The following MYH3 variants were observed in gnomAD, a reference collection of about 807,000 sequenced individuals.
MYH3 encodes myosin-3.
A neutral mutation model predicts 238.0 loss-of-function variants in MYH3; 130 were observed. That is an observed-to-expected ratio of 0.55 (90% confidence interval 0.47 to 0.63). The LOEUF is 0.63. Among genes scored for constraint, MYH3 ranks in the 30% least tolerant of loss-of-function variants. The pLI is 0.00. For missense variants in MYH3, 1,853 were observed against 2,374.9 expected (o/e 0.78, Z 4.57); for synonymous variants, 880 against 924.1 (o/e 0.95, Z 0.86).
chr17:10,639,201 AC>A lies in MYH3; in HGVS notation c.3103-13del. ...AGGGAGCTTTCCAGCTGAAAAAGGC[AC>A]CATTTCCTTTTGGGAACAAATGCTT... is the stretch of plus-strand genomic sequence containing the variant. On this transcript the variant is annotated splice_polypyrimidine_tract_variant and intron_variant, in intron 24 of 40. Coordinates refer to ENST00000583535, the MANE Select transcript of MYH3 (RefSeq NM_002470.4). 1 of 1,614,130 alleles carries A rather than the reference AC, an allele frequency of 6.2e-7. No individual in the cohort carries two copies. The highest frequency in any genetic ancestry group is 1.1e-5 in the South Asian group (1 of 91,070).
chr17:10,646,668 G>C (rs2074324567), intron 10 of MYH3, among the ~76,000 whole-genome samples: 1 of 152,220 alleles, frequency 6.6e-6, no homozygotes, highest in South Asian at 2.1e-4. Context: ...AGCTGGTCAG[G>C]AGTGGTCTAA....
chr17:10,655,316 C>A (rs1246403047), intron 2 of MYH3, among the ~76,000 whole-genome samples: 3 of 152,194 alleles, frequency 2.0e-5, no homozygotes, highest in African/African-American at 7.2e-5. Flanking sequence ...GCCTATTTAA[C>A]CCAAGCTCCT....
In MYH3 at chr17:10,651,503, G is replaced by A. The variant is rs370635289; in HGVS notation, c.505+9C>T. ...TCCAGCATCCCATGCTTCCTCCTGG[G>A]AAACTCACCAGTCAGCATGAACTGA... On this transcript the variant is annotated intron_variant, in intron 5 of 40. Transcript: ENST00000583535. 1.3e-5 allele frequency: 21 copies of A among 1,613,090 alleles called. No individual in the cohort carries two copies. Among genetic ancestry groups the A allele is most frequent in the Non-Finnish European group, 3.4e-6 (4 of 1,179,750 alleles).
intron 17 of MYH3, 116 bp from the exon 18 acceptor site, chr17:10,641,488 G>A (rs892752348): frequency 3.1e-5 from 21 of 682,576 alleles, no homozygotes; most frequent in Non-Finnish European, 4.1e-5. Flanking sequence ...CTAAAGTATA[G>A]TGAAATGATT....
chr17:10,648,312 G>C (rs868774643), intron 8 of MYH3, among the ~76,000 whole-genome samples: 1 of 152,022 alleles, frequency 6.6e-6, no homozygotes, highest in Non-Finnish European at 1.5e-5. Flanking sequence ...CTCAGCTCCC[G>C]TGCCAGCCCC....
chr17:10,632,908 A>G, intron 33 of MYH3, 124 bp from the exon 34 acceptor site: 2 of 1,160,916 alleles, frequency 1.7e-6, no homozygotes, highest in Admixed American at 3.7e-5. Context: ...GTCACAATTC[A>G]CTTTTTAAAT....
the MYH3 span, chr17:10,677,494 T>C: frequency 6.6e-6 from 1 of 152,222 alleles, no homozygotes; most frequent in East Asian, 1.9e-4. Flanking sequence ...TTTGAAAATA[T>C]TAATGTCAAT....
rs876660 is a variant in MYH3 at position 10,640,701 on chromosome 17, T to C, written c.2166-15A>G. ...GCACTCGGTATCTGCATTGTAGACATGGAAATCATCACAGACTGTTGGCAA... is the reference window on the plus strand; with the variant it reads ...GCACTCGGTATCTGCATTGTAGACACGGAAATCATCACAGACTGTTGGCAA... On this transcript the variant is annotated splice_polypyrimidine_tract_variant and intron_variant, in intron 19 of 40. Coordinates refer to ENST00000583535, the MANE Select transcript of MYH3 (RefSeq NM_002470.4). The C allele has an allele frequency of 0.68, 1,088,585 of 1,612,398 alleles. 379,611 individuals are homozygous for C. Among genetic ancestry groups the C allele is most frequent in the Non-Finnish European group, 0.73 (860,238 of 1,178,954 alleles).
At chr17:10,644,156 CAA>C (rs773273552) in intron 14 of MYH3, among the ~76,000 whole-genome samples, 193 bp downstream of exon 14, 1 of 88,580 alleles carries the variant, frequency 1.1e-5, no homozygotes, top group Non-Finnish European at 3.2e-5. Context: ...AACTCAGTCT[CAA>C]AAAAAAAAAA....
the MYH3 span, chr17:10,676,389 C>A: frequency 6.6e-6 from 1 of 152,218 alleles, no homozygotes; most frequent in Non-Finnish European, 1.5e-5. Flanking sequence ...CCGTGCCCAG[C>A]CAACTGTGGT....
chr17:10,653,317 C>T (rs1005333004), intron 3 of MYH3, among the ~76,000 whole-genome samples: 7 of 152,012 alleles, frequency 4.6e-5, no homozygotes, highest in Admixed American at 2.0e-4. Context: ...AGGCAGGGAC[C>T]GAAGAGAATG....
intron 26 of MYH3, 144 bp downstream of exon 26, chr17:10,638,729 G>A: frequency 2.4e-6 from 2 of 833,772 alleles, no homozygotes; most frequent in Non-Finnish European, 3.9e-6. Flanking sequence ...GGTTCATCAT[G>A]GCCAGGCCAG....
At chr17:10,664,581 A>G in the MYH3 span, among the ~76,000 whole-genome samples, 1 of 152,224 alleles carries the variant, frequency 6.6e-6, no homozygotes, top group African/African-American at 2.4e-5. Flanking sequence ...CTGGTGCTGA[A>G]AGATGAACAA....
intron 17 of MYH3, among the ~76,000 whole-genome samples, chr17:10,641,616 G>A (rs1021692908): frequency 1.3e-5 from 2 of 149,128 alleles, no homozygotes; most frequent in African/African-American, 5.0e-5. Context: ...CTAGGTTCAA[G>A]CAATTCTCCT....
Position 10,628,547 on chromosome 17 carries a change from GTTTATT to G in MYH3, c.*100_*105del. 7.5e-7 allele frequency: 1 copy of G among 1,328,096 alleles called. No homozygotes were observed. Among genetic ancestry groups the G allele is most frequent in the Non-Finnish European group, 1.1e-6 (1 of 920,324 alleles). 82.3% of individuals were successfully genotyped at this position (1,328,096 alleles called of 1,614,324 possible). ...CGGCCCCAGATTGAAACAAAGCAAA[GTTTATT>G]GCATGTGAAAAAGAGTCACATGGAC... is the stretch of plus-strand genomic sequence containing the variant. On this transcript the variant is annotated 3_prime_UTR_variant, in exon 41 of 41. Coordinates refer to ENST00000583535, the MANE Select transcript of MYH3 (RefSeq NM_002470.4).
intron 4 of MYH3, 113 bp from the exon 5 acceptor site, chr17:10,651,781 G>C: frequency 7.3e-7 from 1 of 1,374,856 alleles, no homozygotes; most frequent in South Asian, 1.3e-5. Flanking sequence ...GTCTCACTCT[G>C]TCACCAGGCT....
At chr17:10,671,673 G>A in the MYH3 span, among the ~76,000 whole-genome samples, 9 of 146,812 alleles carry the variant, frequency 6.1e-5, no homozygotes, top group Admixed American at 2.1e-4. Flanking sequence ...TCCGCCTCCC[G>A]GGTTCATGCC....
the MYH3 span, among the ~76,000 whole-genome samples, chr17:10,662,677 AC>A: frequency 3.3e-5 from 5 of 152,288 alleles, no homozygotes; most frequent in Middle Eastern, 3.4e-3. Context: ...GTTCTCCCCA[AC>A]CCCCAAGTAA....
intron 33 of MYH3, 117 bp from the exon 34 acceptor site, chr17:10,632,901 A>C: frequency 8.3e-7 from 1 of 1,208,052 alleles, no homozygotes; most frequent in East Asian, 2.3e-5. Context: ...TACAATAGTC[A>C]CAATTCACTT....
Sources: allele counts gnomAD v4.1 joint callset (sites outside exome capture counted in the v4.1 genomes callset), GRCh38; gene constraint gnomAD v4.1.1; transcripts MANE v1.5; gene names NCBI Gene and HGNC (gene_info 2026-07-23, HGNC 2026-07-21).